Variants in UEVLD observed in about 807,000 individuals in gnomAD.
UEVLD encodes UEV and lactate/malate dehyrogenase domains.
UEVLD carries 47 observed loss-of-function variants against 58.6 expected under a neutral mutation model. The observed-to-expected ratio is 0.80, with a 90% CI of 0.63 to 1.02. The LOEUF is 1.02. Ranked by LOEUF, UEVLD falls within the 50% of genes least tolerant of loss-of-function variation. UEVLD has a pLI of 0.00. For missense variants in UEVLD, 510 were observed against 550.6 expected, an observed-to-expected ratio of 0.93 and a Z score of 0.74; for synonymous variants, 197 against 195.3, an observed-to-expected ratio of 1.01 and a Z score of -0.07.
intron 6 of UEVLD, among the ~76,000 whole-genome samples, chr11:18,560,138 C>CACACACACACGCACACACACAGAG (rs368897951): frequency 1.3e-5 from 1 of 74,816 alleles, no homozygotes; most frequent in Admixed American, 1.5e-4. Flanking sequence ...CACACACACA[C>CACACACACACGCACACACACAGAG]AGAGAGAGAA....
chr11:18,562,371 C>G (rs1473581750), intron 6 of UEVLD, among the ~76,000 whole-genome samples: 4 of 151,872 alleles, frequency 2.6e-5, no homozygotes, highest in African/African-American at 9.7e-5. Context: ...GCGAAACCCC[C>G]TCTCTACTAA....
At position 18,548,602 on chromosome 11, in the gene UEVLD, T is replaced by C. The variant is rs186601704; in HGVS notation, c.716-1552A>G. Among the ~76,000 whole-genome samples, 627 of 152,272 alleles carry C rather than the reference T, an allele frequency of 4.1e-3. 6 individuals are homozygous for C. The highest frequency in any genetic ancestry group is 0.014 in the Middle Eastern group (4 of 294). On this transcript the variant is annotated intron_variant, in intron 7 of 11. Transcript: ENST00000396197. ...GCCACCACACCCAGCTAATTTTGTA[T>C]TTTTAGTAGAGACGGGGTTTCTACA...
chr11:18,575,254 T>C, intron 3 of UEVLD, 93 bp downstream of exon 3: 1 of 1,347,008 alleles, frequency 7.4e-7, no homozygotes, highest in Non-Finnish European at 1.0e-6. Context: ...TCTGCAATAA[T>C]ACTTTAAGAA....
intron 9 of UEVLD, among the ~76,000 whole-genome samples, chr11:18,537,086 G>C (rs937593840): frequency 1.3e-5 from 2 of 151,368 alleles, no homozygotes; most frequent in Non-Finnish European, 2.9e-5. Flanking sequence ...GTGTTTAGTA[G>C]AGACAGGGTT....
chr11:18,581,325 G>A (rs1016960748), intron 1 of UEVLD, among the ~76,000 whole-genome samples: 9 of 152,134 alleles, frequency 5.9e-5, no homozygotes, highest in African/African-American at 2.2e-4. Context: ...GAACATCTAA[G>A]TTAGAGAAAG....
intron 9 of UEVLD, among the ~76,000 whole-genome samples, chr11:18,543,305 C>T (rs549209698): frequency 2.0e-5 from 3 of 152,224 alleles, no homozygotes; most frequent in Middle Eastern, 3.2e-3. Flanking sequence ...AGATCACTTT[C>T]CAGCTCTTCG....
chr11:18,580,035 CTTTTTTTT>C (rs140542993), intron 1 of UEVLD, among the ~76,000 whole-genome samples: 15 of 85,414 alleles, frequency 1.8e-4, no homozygotes, highest in Non-Finnish European at 3.1e-4. Flanking sequence ...TCCCAGCTGG[CTTTTTTTT>C]TTTTTTTTTT....
chr11:18,569,103 C>G (rs1399384813), intron 4 of UEVLD, among the ~76,000 whole-genome samples: 2 of 152,104 alleles, frequency 1.3e-5, no homozygotes, highest in Admixed American at 1.3e-4. Flanking sequence ...ACTGCGTTAG[C>G]CAAGATGGTC....
At chr11:18,581,117 G>C (rs541501265) in intron 1 of UEVLD, among the ~76,000 whole-genome samples, 1 of 149,782 alleles carries the variant, frequency 6.7e-6, no homozygotes, top group South Asian at 2.1e-4. Context: ...GGCCGAGATG[G>C]TGCCATTGCA....
At chr11:18,576,529 AAAATAAAT>A (rs995874477) in intron 2 of UEVLD, among the ~76,000 whole-genome samples, 18 of 152,196 alleles carry the variant, frequency 1.2e-4, no homozygotes, top group African/African-American at 4.1e-4. Flanking sequence ...CCATCTCAGA[AAAATAAAT>A]AAATAAATAA....
chr11:18,582,911 T>C (rs1853318259), intron 1 of UEVLD, among the ~76,000 whole-genome samples: 1 of 152,168 alleles, frequency 6.6e-6, no homozygotes, highest in Non-Finnish European at 1.5e-5. Flanking sequence ...AGTGTATTTA[T>C]TCAGAAGACT....
At chr11:18,588,588 A>T (rs530527053) in intron 1 of UEVLD, 25 bp downstream of exon 1, 1 of 1,608,800 alleles carries the variant, frequency 6.2e-7, no homozygotes, top group South Asian at 1.1e-5. Flanking sequence ...TGAGGACCCA[A>T]ACTGGCCCAG....
chr11:18,560,259 A>G (rs1174645574), intron 6 of UEVLD, among the ~76,000 whole-genome samples: 1 of 152,160 alleles, frequency 6.6e-6, no homozygotes, highest in African/African-American at 2.4e-5. Flanking sequence ...CAGGGCTTGC[A>G]TATAGTAATC....
At chr11:18,574,444 G>A (rs1852796696) in intron 3 of UEVLD, among the ~76,000 whole-genome samples, 1 of 152,162 alleles carries the variant, frequency 6.6e-6, no homozygotes. Context: ...GGCAAGAACA[G>A]TGAATTTCTA....
intron 5 of UEVLD, 135 bp downstream of exon 5, chr11:18,566,212 T>C (rs1852289373): frequency 7.6e-7 from 1 of 1,308,450 alleles, no homozygotes; most frequent in Non-Finnish European, 1.0e-6. Flanking sequence ...GGCACAGGAA[T>C]TTCTTATTTC....
chr11:18,562,134 G>C, intron 6 of UEVLD, among the ~76,000 whole-genome samples: 1 of 152,100 alleles, frequency 6.6e-6, no homozygotes, highest in Non-Finnish European at 1.5e-5. Context: ...GCCCAGGCTA[G>C]AGTGCAACTG....
intron 9 of UEVLD, among the ~76,000 whole-genome samples, chr11:18,542,816 T>C (rs1265444451): frequency 6.6e-6 from 1 of 151,926 alleles, no homozygotes; most frequent in Non-Finnish European, 1.5e-5. Flanking sequence ...CTTTTTAATG[T>C]GCATGGTCTT....
rs1010489645 is a variant in UEVLD, at chr11:18,552,004, T to C, written c.716-4954A>G. Among the ~76,000 whole-genome samples, 8 of 152,234 alleles carry C rather than the reference T, an allele frequency of 5.3e-5. No homozygotes were observed. The East Asian group carries it at 1.5e-3, about 29-fold the overall frequency. On this transcript the variant is annotated intron_variant, in intron 7 of 11. Coordinates refer to ENST00000396197, the MANE Select transcript of UEVLD (RefSeq NM_001040697.4). ...CAGGTAACTCTGTATCAAATAATGA[T>C]GGGTAAATACCGTGCAGACCTACTG...
At chr11:18,539,345 G>A (rs1257425739) in intron 9 of UEVLD, among the ~76,000 whole-genome samples, 2 of 151,754 alleles carry the variant, frequency 1.3e-5, no homozygotes, top group African/African-American at 4.8e-5. Flanking sequence ...AGGATTATAG[G>A]CATGAGCCAC....
Sources: allele counts gnomAD v4.1 joint callset (sites outside exome capture counted in the v4.1 genomes callset), GRCh38; gene constraint gnomAD v4.1.1; transcripts MANE v1.5; gene names NCBI Gene and HGNC (gene_info 2026-07-23, HGNC 2026-07-21).